PRMT8: variants seen among roughly 807,000 people sequenced by gnomAD.
PRMT8 encodes the protein protein arginine N-methyltransferase 8.
PRMT8 carries 7 observed loss-of-function variants against 47.1 expected under a neutral mutation model. That is an observed-to-expected ratio of 0.15 (90% CI 0.08 to 0.28). PRMT8 has a LOEUF of 0.28. PRMT8 is among the 10% of genes least tolerant of loss of function. PRMT8 has a pLI of 1.00. For missense variants in PRMT8, 237 were observed against 505.4 expected, an observed-to-expected ratio of 0.47 and a Z score of 5.09; for synonymous variants, 188 against 186.5, an observed-to-expected ratio of 1.01 and a Z score of -0.07.
At chr12:3,469,924 C>T (rs1388886404) in intron 1 of PRMT8, among the ~76,000 whole-genome samples, 3 of 152,108 alleles carry the variant, frequency 2.0e-5, no homozygotes, top group Non-Finnish European at 2.9e-5. Context: ...CACACAGCAT[C>T]GCCACGTGCT....
At chr12:3,425,151 T>G (rs140984700) in intron 1 of PRMT8, among the ~76,000 whole-genome samples, 2 of 152,336 alleles carry the variant, frequency 1.3e-5, no homozygotes, top group African/African-American at 4.8e-5. Flanking sequence ...TTCAGAGTAT[T>G]GCAAACTTCG....
At chr12:3,403,358 G>C (rs1314740646) in intron 1 of PRMT8, among the ~76,000 whole-genome samples, 1 of 151,732 alleles carries the variant, frequency 6.6e-6, no homozygotes, top group Admixed American at 6.6e-5. Flanking sequence ...ATAGCTAATG[G>C]ATGCTGGGCT....
In PRMT8 at chr12:3,576,776, C is replaced by G. The variant is rs185974540; in HGVS notation, c.713-95C>G. On this transcript the variant is annotated intron_variant, in intron 6 of 9. Coordinates refer to ENST00000382622, the MANE Select transcript of PRMT8 (RefSeq NM_019854.5). This position sits in a 1 kb window ranked among gnomAD's most constrained non-coding sequence, Gnocchi z 4.0. ...ATGCAAGGGAACTCGAGCTGCCACT[C>G]AGCCCTCAGGCACGCTGTGCTCTAG... 5 of 914,094 alleles carry G rather than the reference C, an allele frequency of 5.5e-6. No homozygotes were observed. The Admixed American group carries it at 6.1e-5, about 11-fold the overall frequency. The allele number at this position is 914,094 out of a possible 1,614,324, so 56.6% of individuals were successfully genotyped here.
At chr12:3,401,147 C>CAAAA (rs34492092) in intron 1 of PRMT8, among the ~76,000 whole-genome samples, 40 of 45,704 alleles carry the variant, frequency 8.8e-4, no homozygotes, top group Non-Finnish European at 9.5e-4. Context: ...AACTCCATCT[C>CAAAA]AAAAAAAAAA....
chr12:3,578,703 G>A (rs753058873), intron 7 of PRMT8, among the ~76,000 whole-genome samples: 1 of 152,136 alleles, frequency 6.6e-6, no homozygotes, highest in Non-Finnish European at 1.5e-5. Flanking sequence ...CGGGGGTGGG[G>A]GAGGTTTCTG....
At chr12:3,526,259 A>T (rs1037825330) in intron 1 of PRMT8, among the ~76,000 whole-genome samples, 3 of 152,172 alleles carry the variant, frequency 2.0e-5, no homozygotes, top group Admixed American at 6.5e-5. Context: ...TTATCTATTC[A>T]CCTATCAATG....
chr12:3,484,874 A>G (rs1865307197), intron 1 of PRMT8, among the ~76,000 whole-genome samples: 1 of 152,172 alleles, frequency 6.6e-6, no homozygotes, highest in South Asian at 2.1e-4. Flanking sequence ...GTTGGTTTAA[A>G]AGGGAGTCAA....
At chr12:3,488,432 G>T (rs753174778), upstream of PRMT8, among the ~76,000 whole-genome samples, 2 of 152,122 alleles carry the variant, frequency 1.3e-5, no homozygotes, top group Non-Finnish European at 2.9e-5. Flanking sequence ...AGGGTCTATT[G>T]TTTCAAACTA....
At chr12:3,539,936 T>G (rs994915557) in intron 1 of PRMT8, among the ~76,000 whole-genome samples, 5 of 152,214 alleles carry the variant, frequency 3.3e-5, no homozygotes, top group Non-Finnish European at 7.3e-5. Context: ...GGCCGTATCC[T>G]CTTCTAGCTT....
rs1351287161 is a variant in PRMT8 at position 3,569,314 on chromosome 12, A to G, written c.625-163A>G. On this transcript the variant is annotated intron_variant, in intron 5 of 9. Transcript: ENST00000382622. The surrounding 1 kb of genome is among the most constrained non-coding windows in gnomAD (Gnocchi z 8.2). ...TTTCCTTGCTCCAAAATAAAAATTG[A>G]GCACTGCTGTCCTAGCCCTCACCCC... 6.6e-6 allele frequency among the ~76,000 whole-genome samples: 1 copy of G among 152,202 alleles called. No individual in the cohort carries two copies. Among genetic ancestry groups the G allele is most frequent in the Non-Finnish European group, 1.5e-5 (1 of 68,046 alleles).
At chr12:3,450,179 A>G (rs1292621156) in intron 1 of PRMT8, among the ~76,000 whole-genome samples, 2 of 152,232 alleles carry the variant, frequency 1.3e-5, no homozygotes, top group Non-Finnish European at 2.9e-5. Flanking sequence ...TACTACACCA[A>G]AACTCAAAAA....
At chr12:3,480,055 C>A (rs73260070) in intron 1 of PRMT8, among the ~76,000 whole-genome samples, 6,045 of 152,200 alleles carry the variant, frequency 0.04, 375 homozygotes, top group African/African-American at 0.14. Context: ...AAGCCTCTTC[C>A]ATGGACATGG....
In PRMT8 at chr12:3,484,632, C is replaced by T. The variant is rs139575213; in HGVS notation, c.49-55974C>T. Among the ~76,000 whole-genome samples, 349 of 152,356 alleles carry T rather than the reference C, an allele frequency of 2.3e-3. 4 individuals carry two copies. Among genetic ancestry groups the T allele is most frequent in the Middle Eastern group, 0.017 (5 of 294 alleles). ...TAGCCAGGCAGTGATCACCATTAAG[C>T]TGTTTGTACACAGATGGAGAGGTTA... On this transcript the variant is annotated intron_variant, in intron 1 of 9. Coordinates refer to the PRMT8 transcript ENST00000452611.
At chr12:3,467,033 C>G (rs910591633) in intron 1 of PRMT8, among the ~76,000 whole-genome samples, 5 of 151,894 alleles carry the variant, frequency 3.3e-5, no homozygotes. Context: ...GTCAGGAGAT[C>G]GAGACCATCT....
intron 4 of PRMT8, among the ~76,000 whole-genome samples, chr12:3,558,433 A>G (rs552216051): frequency 2.0e-5 from 3 of 152,364 alleles, no homozygotes; most frequent in South Asian, 2.1e-4. Flanking sequence ...TACAAGCCAC[A>G]TGCAACCATC....
intron 1 of PRMT8, among the ~76,000 whole-genome samples, chr12:3,510,563 G>T (rs1865695684): frequency 6.6e-6 from 1 of 152,024 alleles, no homozygotes; most frequent in Non-Finnish European, 1.5e-5. Context: ...AAATTAAATT[G>T]AATTTTAAAA....
intron 4 of PRMT8, among the ~76,000 whole-genome samples, chr12:3,563,928 G>GCCCC (rs67295103): frequency 6.3e-4 from 96 of 151,638 alleles, no homozygotes; most frequent in African/African-American, 2.3e-3. Flanking sequence ...TTAACCCAAT[G>GCCCC]CCCCCCACCT....
chr12:3,438,717 C>G (rs1434596226), intron 1 of PRMT8, among the ~76,000 whole-genome samples: 1 of 152,070 alleles, frequency 6.6e-6, no homozygotes, highest in African/African-American at 2.4e-5. Context: ...GTCAGTAGTT[C>G]GAATAGTGAC....
At chr12:3,469,394 G>T (rs546015803) in intron 1 of PRMT8, 1 of 263,988 alleles carries the variant, frequency 3.8e-6, no homozygotes, top group African/African-American at 2.3e-5. Context: ...GGAGCAAAAA[G>T]AGCTTCCAGT....
Sources: gnomAD v4.1 joint callset for allele counts (sites outside exome capture counted in the v4.1 genomes callset) on GRCh38, gnomAD v4.1.1 for gene constraint, Gnocchi (gnomAD v3.1) non-coding constraint, MANE v1.5 for transcripts, NCBI Gene and HGNC (gene_info 2026-07-23, HGNC 2026-07-21) for gene names.